Variants in PLEKHA1 observed in about 807,000 individuals in gnomAD.
PLEKHA1 encodes the protein pleckstrin homology domain containing A1, also known as pleckstrin homology domain-containing family A member 1.
PLEKHA1 carries 34 observed loss-of-function variants against 52.0 expected under a neutral mutation model. That is an observed-to-expected ratio of 0.65 (90% confidence interval 0.50 to 0.87). The LOEUF (loss-of-function observed/expected upper bound fraction) is 0.87, where lower values mean the gene tolerates loss of function less well. Ranked by LOEUF, PLEKHA1 falls within the 40% of genes least tolerant of loss-of-function variation. The pLI, the probability that PLEKHA1 is intolerant of heterozygous loss-of-function variation, is 0.00. For missense variants in PLEKHA1, 497 were observed against 504.2 expected (o/e 0.99, Z 0.14); for synonymous variants, 163 against 170.7 (o/e 0.95, Z 0.35).
chr10:122,423,618 T>C (rs2133474158), intron 8 of PLEKHA1: 1 of 152,510 alleles, frequency 6.6e-6, no homozygotes, highest in East Asian at 1.9e-4. Flanking sequence ...TATATCTACT[T>C]TGTAACCTTG....
intron 1 of PLEKHA1, among the ~76,000 whole-genome samples, chr10:122,380,282 T>C (rs1818171951): frequency 6.6e-6 from 1 of 152,164 alleles, no homozygotes; most frequent in Non-Finnish European, 1.5e-5. Flanking sequence ...GTGTTAGGCA[T>C]TGGAGAAACA....
At chr10:122,407,793 C>T (rs1399254371) in intron 5 of PLEKHA1, among the ~76,000 whole-genome samples, 1 of 152,142 alleles carries the variant, frequency 6.6e-6, no homozygotes, top group Non-Finnish European at 1.5e-5. Flanking sequence ...CAGTTATATA[C>T]TGACCCTAAG....
chr10:122,384,360 G>C (rs1046282009), intron 1 of PLEKHA1, among the ~76,000 whole-genome samples: 1 of 152,254 alleles, frequency 6.6e-6, no homozygotes, highest in East Asian at 1.9e-4. Context: ...TGTAATCCCA[G>C]CACTTTGGGA....
chr10:122,403,475 C>G (rs1328481711), intron 4 of PLEKHA1, among the ~76,000 whole-genome samples: 2 of 151,994 alleles, frequency 1.3e-5, no homozygotes, highest in East Asian at 3.9e-4. Flanking sequence ...TCATTCTAAT[C>G]ATAAAGATTT....
chr10:122,410,582 A>C (rs768616720), intron 5 of PLEKHA1, among the ~76,000 whole-genome samples: 2 of 152,184 alleles, frequency 1.3e-5, no homozygotes, highest in African/African-American at 2.4e-5. Flanking sequence ...TCTTGTTCTT[A>C]GGGAATAAGA....
At chr10:122,376,981 T>C (rs1265495046) in intron 1 of PLEKHA1, among the ~76,000 whole-genome samples, 2 of 152,230 alleles carry the variant, frequency 1.3e-5, no homozygotes, top group Admixed American at 6.5e-5. Context: ...TTAATGGAGA[T>C]TTAAACAAAG....
At chr10:122,422,238 A>C (rs1489717876) in intron 8 of PLEKHA1, 1 of 152,210 alleles carries the variant, frequency 6.6e-6, no homozygotes, top group Non-Finnish European at 1.5e-5. Flanking sequence ...TTTGGCAGCC[A>C]CTAGTAATGG....
intron 4 of PLEKHA1, among the ~76,000 whole-genome samples, chr10:122,402,146 T>C (rs1179063881): frequency 6.6e-6 from 1 of 152,188 alleles, no homozygotes; most frequent in Admixed American, 6.5e-5. Flanking sequence ...CTTTTTTTTC[T>C]AAAATCTCAA....
At chr10:122,407,651 G>T (rs1017457834) in intron 5 of PLEKHA1, among the ~76,000 whole-genome samples, 3 of 152,128 alleles carry the variant, frequency 2.0e-5, no homozygotes, top group Non-Finnish European at 4.4e-5. Flanking sequence ...ATTATACCTT[G>T]CCTCACCTTT....
Position 122,397,921 on chromosome 10 carries a change from C to G in PLEKHA1, c.145C>G (p.Leu49Val), listed in dbSNP as rs2096873259. The part of the protein sequence containing the change: ...FVWYMDNPQN[L>V]PSGSSRVGAI... The stretch of plus-strand genomic sequence containing the variant: ...TATATTAATACTTTGTTTCTAGAAC[C>G]TACCTTCTGGATCATCACGTGTTGG... Residue 49 changes from leucine to valine, a missense_variant, in exon 3 of 12, where the codon CTA (leucine) becomes GTA (valine). Physicochemically the swap from Leu to Val is conservative, Grantham distance 32. Coordinates refer to ENST00000368990, the MANE Select transcript of PLEKHA1 (RefSeq NM_001001974.4). 1 of 1,602,002 alleles carries G rather than the reference C, an allele frequency of 6.2e-7. No individual in the cohort carries two copies. Among genetic ancestry groups the G allele is most frequent in the Non-Finnish European group, 8.5e-7 (1 of 1,170,684 alleles).
intron 1 of PLEKHA1, among the ~76,000 whole-genome samples, chr10:122,390,981 T>C (rs893433028): frequency 6.6e-6 from 1 of 152,144 alleles, no homozygotes; most frequent in Admixed American, 6.5e-5. Flanking sequence ...CTTTTAATTA[T>C]AGCCATCCTA....
At chr10:122,402,836 T>C (rs1026641594) in intron 4 of PLEKHA1, among the ~76,000 whole-genome samples, 2 of 151,868 alleles carry the variant, frequency 1.3e-5, no homozygotes, top group Non-Finnish European at 1.5e-5. Context: ...AAACTGAAAA[T>C]AGGAAGATAT....
intron 4 of PLEKHA1, among the ~76,000 whole-genome samples, chr10:122,405,691 C>T (rs558233675): frequency 7.2e-5 from 11 of 151,822 alleles, no homozygotes; most frequent in Non-Finnish European, 1.0e-4. Context: ...AGGAATTAGA[C>T]GCATGAAGCA....
Position 122,404,987 on chromosome 10 carries a change from A to G in PLEKHA1, c.245-1589A>G, listed in dbSNP as rs558045699. On this transcript the variant is annotated intron_variant, in intron 4 of 11. Transcript: ENST00000368990. The stretch of plus-strand genomic sequence containing the variant: ...TTATTTTTATATTTGAACAATTGCA[A>G]CAGTATAACTATTCAGATACTTAGC... 4.6e-5 allele frequency among the ~76,000 whole-genome samples: 7 copies of G among 152,316 alleles called. No individual in the cohort carries two copies. In the South Asian group the frequency reaches 1.0e-3, roughly 23 times the overall value.
intron 1 of PLEKHA1, among the ~76,000 whole-genome samples, chr10:122,391,952 A>C (rs1273962360): frequency 2.0e-5 from 3 of 152,146 alleles, no homozygotes; most frequent in Non-Finnish European, 4.4e-5. Context: ...TTTTCACTGT[A>C]AGTTAAATTT....
At chr10:122,375,404 C>A (rs1267106113) in intron 1 of PLEKHA1, among the ~76,000 whole-genome samples, 1 of 152,238 alleles carries the variant, frequency 6.6e-6, no homozygotes, top group Non-Finnish European at 1.5e-5. Flanking sequence ...CCGCGATTTA[C>A]CTCCGCACCT....
At chr10:122,396,607 G>T (rs1368022838) in intron 2 of PLEKHA1, among the ~76,000 whole-genome samples, 1 of 152,036 alleles carries the variant, frequency 6.6e-6, no homozygotes, top group Non-Finnish European at 1.5e-5. Flanking sequence ...TCTTTGAAAT[G>T]TCTAGGCTTC....
chr10:122,427,987 G>A (rs569174093), intron 11 of PLEKHA1, among the ~76,000 whole-genome samples: 1 of 152,224 alleles, frequency 6.6e-6, no homozygotes, highest in African/African-American at 2.4e-5. Flanking sequence ...TAGTTGTTAA[G>A]TCATTCTCTC....
intron 1 of PLEKHA1, among the ~76,000 whole-genome samples, chr10:122,377,305 G>A (rs1427327905): frequency 6.6e-6 from 1 of 152,086 alleles, no homozygotes; most frequent in African/African-American, 2.4e-5. Context: ...TTTCCTATTT[G>A]ATTCCAACTG....
Sources: allele counts gnomAD v4.1 joint callset (sites outside exome capture counted in the v4.1 genomes callset), GRCh38; gene constraint gnomAD v4.1.1; transcripts MANE v1.5; gene names NCBI Gene and HGNC (gene_info 2026-07-23, HGNC 2026-07-21).